Variants in CHMP3 observed in about 807,000 individuals in gnomAD.
CHMP3 encodes the protein charged multivesicular body protein 3, also known as 25.1 protein.
In CHMP3, 8 loss-of-function variants were observed where a neutral mutation model predicts 27.4. The ratio of observed to expected loss-of-function variants is 0.29; its 90% CI spans 0.17 to 0.53. CHMP3 has a LOEUF of 0.53. Among genes scored for constraint, CHMP3 ranks in the 20% least tolerant of loss-of-function variants. The pLI is 0.96. For missense variants in CHMP3, 208 were observed against 271.5 expected, an observed-to-expected ratio of 0.77 and a Z score of 1.64; for synonymous variants, 86 against 85.5, an observed-to-expected ratio of 1.01 and a Z score of -0.03.
At chr2:86,562,825 G>C (rs1677431081) in intron 1 of CHMP3, 1 of 154,364 alleles carries the variant, frequency 6.5e-6, no homozygotes, top group Non-Finnish European at 1.4e-5. Context: ...AGGAAACTGA[G>C]CCTCTTTTTC....
At chr2:86,548,179 C>CTTTT (rs55949258) in intron 1 of CHMP3, among the ~76,000 whole-genome samples, 7 of 116,050 alleles carry the variant, frequency 6.0e-5, no homozygotes, top group African/African-American at 1.2e-4. Flanking sequence ...GAGGAGTTCT[C>CTTTT]TTTTTTTTTT....
chr2:86,558,053 A>G (rs942502634), intron 1 of CHMP3, among the ~76,000 whole-genome samples: 1 of 152,212 alleles, frequency 6.6e-6, no homozygotes, highest in African/African-American at 2.4e-5. Flanking sequence ...TAAGAACATA[A>G]GTCATATGAT....
rs111991344 is a variant in CHMP3 at position 86,517,332 on chromosome 2, T to A, written c.287-6853A>T. Among the ~76,000 whole-genome samples, 11 of 150,680 alleles carry A rather than the reference T, an allele frequency of 7.3e-5. No homozygotes were observed. In the East Asian group the frequency reaches 2.0e-3, roughly 27 times the overall value. Reference sequence around the variant, plus strand: ...CTGTAATCCCAGCACTTTGGGAGACTGAGGAGGGCAGATCATGAGGTCAGG... The same window carrying A: ...CTGTAATCCCAGCACTTTGGGAGACAGAGGAGGGCAGATCATGAGGTCAGG... On this transcript the variant is annotated intron_variant, in intron 3 of 5. Transcript: ENST00000263856.
At chr2:86,559,768 C>G (rs1004111729) in intron 1 of CHMP3, among the ~76,000 whole-genome samples, 3 of 152,128 alleles carry the variant, frequency 2.0e-5, no homozygotes, top group Non-Finnish European at 1.5e-5. Context: ...TAATCTAACA[C>G]TAAAAATCCT....
intron 2 of CHMP3, among the ~76,000 whole-genome samples, chr2:86,533,215 A>G (rs553748129): frequency 2.0e-5 from 3 of 152,344 alleles, no homozygotes; most frequent in Non-Finnish European, 4.4e-5. Context: ...TTAACATACA[A>G]TTGTCCATCG....
intron 2 of CHMP3, among the ~76,000 whole-genome samples, chr2:86,532,150 T>C (rs1457772067): frequency 1.3e-5 from 2 of 152,210 alleles, no homozygotes; most frequent in East Asian, 1.9e-4. Context: ...TCATTTTCAT[T>C]ATACAAGTCT....
rs572380877 is a variant in CHMP3, at chr2:86,537,417, A to G, written c.106+4835T>C. Among the ~76,000 whole-genome samples the G allele has an allele frequency of 9.2e-5, 14 of 152,238 alleles. No individual in the cohort carries two copies. The East Asian group carries it at 1.9e-3, about 21-fold the overall frequency. On this transcript the variant is annotated intron_variant, in intron 2 of 5. Transcript: ENST00000263856. ...CACCTTTTCCTTTAGTTCTTTGCAC[A>G]TCGATACTTGCTTTAAGTCTTTGTT...
At chr2:86,548,568 T>C (rs1477585629) in intron 1 of CHMP3, among the ~76,000 whole-genome samples, 1 of 152,224 alleles carries the variant, frequency 6.6e-6, no homozygotes, top group Non-Finnish European at 1.5e-5. Context: ...AACAAAATGG[T>C]GTCTCCTATG....
intron 4 of CHMP3, among the ~76,000 whole-genome samples, chr2:86,508,761 C>T (rs145513878): frequency 2.0e-5 from 3 of 152,274 alleles, no homozygotes; most frequent in East Asian, 3.9e-4. Flanking sequence ...CCCTATTCTG[C>T]CCATCCTCAG....
At chr2:86,519,510 G>A (rs1675443877) in intron 3 of CHMP3, among the ~76,000 whole-genome samples, 1 of 152,142 alleles carries the variant, frequency 6.6e-6, no homozygotes, top group Non-Finnish European at 1.5e-5. Context: ...AGGGAAGACT[G>A]CCTCATGTCA....
At chr2:86,508,107 G>GT (rs1250892378) in intron 4 of CHMP3, among the ~76,000 whole-genome samples, 4 of 152,182 alleles carry the variant, frequency 2.6e-5, no homozygotes, top group Non-Finnish European at 5.9e-5. Flanking sequence ...CCAGAATGGG[G>GT]TAATCTGGTA....
intron 1 of CHMP3, among the ~76,000 whole-genome samples, chr2:86,556,772 G>C (rs779532837): frequency 1.1e-4 from 17 of 152,090 alleles, no homozygotes; most frequent in Non-Finnish European, 2.2e-4. Context: ...TCAGGGCCGC[G>C]GTTGCTACAA....
intron 2 of CHMP3, among the ~76,000 whole-genome samples, chr2:86,531,191 T>C (rs1034945945): frequency 2.6e-5 from 4 of 152,120 alleles, no homozygotes; most frequent in Non-Finnish European, 5.9e-5. Context: ...TCTTTTTTTG[T>C]AGAGATGGGG....
In CHMP3 at chr2:86,559,372, A is replaced by G. The variant is rs113600492; in HGVS notation, c.45+3932T>C. Among the ~76,000 whole-genome samples the G allele has an allele frequency of 1.4e-3, 219 of 152,306 alleles. 1 individual carries two copies. The highest frequency in any genetic ancestry group is 9.7e-3 in the South Asian group (47 of 4,832). On this transcript the variant is annotated intron_variant, in intron 1 of 5. Coordinates refer to ENST00000263856, the MANE Select transcript of CHMP3 (RefSeq NM_016079.4). ...TGGCTTCTCTGGGTCTCCAGCTTAC[A>G]GACAGCATATGATAGTACTTCTCAG...
intron 4 of CHMP3, 137 bp from the exon 5 acceptor site, chr2:86,507,730 A>G (rs1674940776): frequency 1.4e-6 from 1 of 706,432 alleles, no homozygotes; most frequent in Non-Finnish European, 2.4e-6. Flanking sequence ...AGCTGGCCAA[A>G]GGAAACACTG....
chr2:86,542,827 A>G (rs1676417763), intron 1 of CHMP3: 1 of 152,606 alleles, frequency 6.6e-6, no homozygotes, highest in Non-Finnish European at 1.5e-5. Context: ...CTGAAGCACT[A>G]AACATAGGGT....
intron 4 of CHMP3, among the ~76,000 whole-genome samples, chr2:86,508,253 AG>A (rs1363500307): frequency 1.3e-5 from 2 of 152,220 alleles, no homozygotes; most frequent in Non-Finnish European, 2.9e-5. Context: ...GGAGCCAGCC[AG>A]TCAGCCTCCT....
chr2:86,526,303 G>T (rs1445767256), intron 3 of CHMP3, among the ~76,000 whole-genome samples: 1 of 152,162 alleles, frequency 6.6e-6, no homozygotes, highest in Admixed American at 6.5e-5. Context: ...AAAAGAGAAT[G>T]CTCGAGTTTA....
intron 3 of CHMP3, among the ~76,000 whole-genome samples, chr2:86,522,272 A>G (rs865833374): frequency 6.6e-6 from 1 of 152,224 alleles, no homozygotes; most frequent in African/African-American, 2.4e-5. Context: ...GATGACAAAG[A>G]CATCTCAGGA....
Sources: allele counts gnomAD v4.1 joint callset (sites outside exome capture counted in the v4.1 genomes callset), GRCh38; gene constraint gnomAD v4.1.1; transcripts MANE v1.5; gene names NCBI Gene and HGNC (gene_info 2026-07-23, HGNC 2026-07-21).